The following DAB1 variants were observed in gnomAD, a reference collection of about 807,000 sequenced individuals.
The protein encoded by DAB1 is DAB adaptor protein 1.
Under a neutral mutation model 64.6 loss-of-function variants are expected in DAB1, and 15 were observed. The ratio of observed to expected loss-of-function variants is 0.23; its 90% confidence interval spans 0.16 to 0.36. The LOEUF is 0.36. Among genes scored for constraint, DAB1 ranks in the 10% least tolerant of loss-of-function variants. The pLI is 1.00. For missense variants in DAB1, 596 were observed against 706.7 expected, an observed-to-expected ratio of 0.84 and a Z score of 1.78; for synonymous variants, 235 against 251.9, an observed-to-expected ratio of 0.93 and a Z score of 0.64.
intron 3 of DAB1, among the ~76,000 whole-genome samples, chr1:58,488,754 T>A (rs561747030): frequency 6.6e-6 from 1 of 152,312 alleles, no homozygotes; most frequent in Admixed American, 6.5e-5. Context: ...CCAGCCCCAG[T>A]GTGTAGTCTT....
intron 4 of DAB1, among the ~76,000 whole-genome samples, chr1:57,078,811 C>T (rs113660679): frequency 0.01 from 1,524 of 152,148 alleles, 23 homozygotes; most frequent in African/African-American, 0.026. Flanking sequence ...GTGCATACGC[C>T]GGCTCTATGA....
intron 3 of DAB1, among the ~76,000 whole-genome samples, chr1:58,408,727 G>A (rs1420168985): frequency 1.3e-5 from 2 of 152,204 alleles, no homozygotes; most frequent in African/African-American, 4.8e-5. Flanking sequence ...TGCTTGAGAA[G>A]GAGGAAAAGG....
At chr1:57,424,876 T>G (rs928266694), upstream of DAB1, among the ~76,000 whole-genome samples, 2 of 152,142 alleles carry the variant, frequency 1.3e-5, no homozygotes, top group African/African-American at 4.8e-5. Flanking sequence ...TAACTCCGGC[T>G]TACTCCCCGC....
intron 5 of DAB1, among the ~76,000 whole-genome samples, chr1:57,965,485 T>C (rs1029217420): frequency 6.6e-6 from 1 of 152,158 alleles, no homozygotes; most frequent in Non-Finnish European, 1.5e-5. Context: ...GTGGTGAGGA[T>C]ACATTAAATA....
chr1:57,220,929 T>C (rs1454783882), intron 2 of DAB1, among the ~76,000 whole-genome samples: 2 of 152,202 alleles, frequency 1.3e-5, no homozygotes, highest in Non-Finnish European at 2.9e-5. Context: ...ATCATGCTGC[T>C]ATAAAGACAC....
Position 57,011,101 on chromosome 1 carries a change from A to C in DAB1, c.1572+44T>G, listed in dbSNP as rs761716676. 8.1e-6 allele frequency: 13 copies of C among 1,612,202 alleles called. No individual in the cohort carries two copies. The Admixed American group carries it at 2.2e-4, about 27-fold the overall frequency. ...TATCCATTTCAGTTACAGAGGTCTT[A>C]ATTTTAAGGAAAAACACAAACAAAT... On this transcript the variant is annotated intron_variant, in intron 13 of 14. Transcript: ENST00000371236.
intron 5 of DAB1, among the ~76,000 whole-genome samples, chr1:57,948,904 T>C (rs1236991933): frequency 3.3e-5 from 5 of 152,218 alleles, no homozygotes; most frequent in African/African-American, 9.6e-5. Flanking sequence ...CTTTGGATAC[T>C]ATTTTTCCTT....
At chr1:58,127,977 T>A (rs1340692140) in intron 5 of DAB1, among the ~76,000 whole-genome samples, 3 of 152,082 alleles carry the variant, frequency 2.0e-5, no homozygotes, top group African/African-American at 7.2e-5. Context: ...TTAAAGTAGT[T>A]TTTTCCAATT....
intron 7 of DAB1, among the ~76,000 whole-genome samples, chr1:57,604,787 A>G (rs1645616760): frequency 6.6e-6 from 1 of 152,186 alleles, no homozygotes; most frequent in African/African-American, 2.4e-5. Context: ...CTCTTCAAAA[A>G]TCCTGTTCCA....
chr1:58,091,272 A>T (rs1026750289), intron 5 of DAB1, among the ~76,000 whole-genome samples: 6 of 152,200 alleles, frequency 3.9e-5, no homozygotes, highest in African/African-American at 1.4e-4. Context: ...TTCAGAGCCT[A>T]TAAAATGTTT....
intron 4 of DAB1, among the ~76,000 whole-genome samples, chr1:58,220,991 ATT>A (rs10714614): frequency 0.037 from 4,466 of 122,142 alleles, 141 homozygotes; most frequent in South Asian, 0.11. Flanking sequence ...TATGAGATTG[ATT>A]TTTTTTTTTT....
intron 2 of DAB1, among the ~76,000 whole-genome samples, chr1:57,216,025 T>C (rs543219467): frequency 6.6e-6 from 1 of 152,310 alleles, no homozygotes; most frequent in Admixed American, 6.5e-5. Context: ...AAGGAACTAA[T>C]CAGAATTAAT....
At chr1:57,666,186 T>C (rs1403011977) in intron 6 of DAB1, among the ~76,000 whole-genome samples, 2 of 152,082 alleles carry the variant, frequency 1.3e-5, no homozygotes, top group Non-Finnish European at 2.9e-5. Context: ...CACATTCAGC[T>C]GTAGAAAACC....
At chr1:57,898,881 C>A (rs11582988) in intron 5 of DAB1, among the ~76,000 whole-genome samples, 4 of 152,090 alleles carry the variant, frequency 2.6e-5, no homozygotes, top group African/African-American at 9.6e-5. Flanking sequence ...TGCGTGTATG[C>A]GCGTGCACAC....
chr1:57,335,213 G>A (rs4912163), intron 1 of DAB1, among the ~76,000 whole-genome samples: 44,865 of 151,180 alleles, frequency 0.3, 7,080 homozygotes, highest in Non-Finnish European at 0.36. Flanking sequence ...TTTTTTTAAG[G>A]CACAGTGTTA....
chr1:58,296,456 G>A (rs992160596), intron 4 of DAB1, among the ~76,000 whole-genome samples: 1 of 152,168 alleles, frequency 6.6e-6, no homozygotes, highest in Admixed American at 6.5e-5. Context: ...GGTGGTTGGG[G>A]CAGGAGAGAG....
intron 1 of DAB1, among the ~76,000 whole-genome samples, chr1:58,543,665 T>C (rs952053928): frequency 2.6e-5 from 4 of 152,194 alleles, no homozygotes; most frequent in African/African-American, 9.7e-5. Context: ...AAATACCAGG[T>C]AATCATTTAA....
At chr1:57,100,867 A>C (rs1008604306) in intron 4 of DAB1, among the ~76,000 whole-genome samples, 2 of 152,144 alleles carry the variant, frequency 1.3e-5, no homozygotes, top group Non-Finnish European at 2.9e-5. Context: ...ATGAGGCAGG[A>C]GAGAAAAGCA....
At chr1:57,944,678 G>A (rs1389363033) in intron 5 of DAB1, among the ~76,000 whole-genome samples, 5 of 152,178 alleles carry the variant, frequency 3.3e-5, no homozygotes, top group African/African-American at 9.7e-5. Context: ...ATTTGTAAGT[G>A]TCTAATAGTA....
Sources: allele counts gnomAD v4.1 joint callset (sites outside exome capture counted in the v4.1 genomes callset), GRCh38; gene constraint gnomAD v4.1.1; transcripts MANE v1.5; gene names NCBI Gene and HGNC (gene_info 2026-07-23, HGNC 2026-07-21).